The following EPB41L3 variants were observed in gnomAD, a reference collection of about 807,000 sequenced individuals.
The protein encoded by EPB41L3 is band 4.1-like protein 3.
In EPB41L3, 57 loss-of-function variants were observed where a neutral mutation model predicts 127.1. The observed-to-expected ratio is 0.45, with a 90% CI of 0.36 to 0.56. The LOEUF (loss-of-function observed/expected upper bound fraction) is 0.56, where lower values mean the gene tolerates loss of function less well. EPB41L3 is among the 20% of genes least tolerant of loss of function. The pLI is 0.00. For synonymous variants in EPB41L3, 572 were observed against 549.5 expected, an observed-to-expected ratio of 1.04 and a Z score of -0.57; for missense variants, 1,273 against 1,372.2, an observed-to-expected ratio of 0.93 and a Z score of 1.14.
At chr18:5,475,925 T>C (rs1270685080) in intron 3 of EPB41L3, among the ~76,000 whole-genome samples, 1 of 152,118 alleles carries the variant, frequency 6.6e-6, no homozygotes, top group Non-Finnish European at 1.5e-5. Flanking sequence ...GAGCCAACAC[T>C]GAAGCACACC....
At chr18:5,630,309 C>A (rs2094979496), upstream of EPB41L3, 1 of 510,082 alleles carries the variant, frequency 2.0e-6, no homozygotes, top group Admixed American at 2.0e-5. Context: ...CGCACCCGCG[C>A]CCCTGCCCAC....
rs1054285651 is a variant in EPB41L3, at chr18:5,419,726, G to C, written c.1491C>G (p.Ile497Met). The C allele has an allele frequency of 3.1e-6, 5 of 1,614,042 alleles. No individual in the cohort carries two copies. The highest frequency in any genetic ancestry group is 1.3e-5 in the African/African-American group (1 of 74,938). Residue 497 changes from isoleucine to methionine, a missense_variant, in exon 12 of 23, where the codon ATC becomes ATG. Physicochemically the swap from Ile to Met is conservative, Grantham distance 10. Coordinates refer to ENST00000341928, the MANE Select transcript of EPB41L3 (RefSeq NM_012307.5). ...GGAGCTATACCTTTCCCTCGTGCCG[G>C]ATGGCCGAGATGGGCGTGACTTCTT... Reference protein sequence around the residue: ...KGEEVTPISAIRHEGKSPGLG... With the variant: ...KGEEVTPISAMRHEGKSPGLG...
chr18:5,515,807 A>C (rs1010995724), intron 1 of EPB41L3, among the ~76,000 whole-genome samples: 1 of 152,236 alleles, frequency 6.6e-6, no homozygotes, highest in African/African-American at 2.4e-5. Context: ...ACATTTTCAA[A>C]ACACAGAGCA....
rs2093790349 is a variant in EPB41L3, at chr18:5,543,212, C to T, written c.-12+701G>A. 1 of 151,254 alleles carries T rather than the reference C, an allele frequency of 6.6e-6. No individual in the cohort carries two copies. The highest frequency in any genetic ancestry group is 6.6e-5 in the Admixed American group (1 of 15,174). The allele number at this position is 151,254 out of a possible 1,614,324, so 9.4% of individuals were successfully genotyped here. A position where few individuals can be genotyped will look rare whatever the true frequency, so the allele number is the denominator to read the frequency against. On this transcript the variant is annotated intron_variant, in intron 1 of 22. Transcript: ENST00000341928. This position sits in a 1 kb window ranked among gnomAD's most constrained non-coding sequence, Gnocchi z 5.2. ...CCGCTTGGACGCTCCCTCCTCCTCC[C>T]CCACCGGCCGGGGGCCGCTGCCCCA...
chr18:5,568,429 A>AG (rs900818791), intron 3 of EPB41L3, among the ~76,000 whole-genome samples: 1 of 142,580 alleles, frequency 7.0e-6, no homozygotes, highest in African/African-American at 2.7e-5. Flanking sequence ...CTGGATAGTA[A>AG]AAAAAAAAAA....
intron 11 of EPB41L3, among the ~76,000 whole-genome samples, chr18:5,420,476 TA>T: frequency 6.6e-6 from 1 of 152,304 alleles, no homozygotes; most frequent in Middle Eastern, 3.4e-3. Context: ...GTAGAGATTA[TA>T]AAAATCAGAT....
At chr18:5,499,448 CA>C (rs2091520906) in intron 1 of EPB41L3, among the ~76,000 whole-genome samples, 1 of 146,094 alleles carries the variant, frequency 6.8e-6, no homozygotes, top group Non-Finnish European at 1.5e-5. Flanking sequence ...AAATATTAAT[CA>C]ATTCAAATTT....
At chr18:5,597,797 T>G (rs1005493576) in intron 3 of EPB41L3, among the ~76,000 whole-genome samples, 2 of 152,128 alleles carry the variant, frequency 1.3e-5, no homozygotes, top group Non-Finnish European at 2.9e-5. Flanking sequence ...GTCTTACTCC[T>G]AGACACCCCC....
rs763247088 is a variant in EPB41L3 at position 5,416,292 on chromosome 18, C to T, written c.1593G>A (p.Arg531=). 6.2e-6 allele frequency: 10 copies of T among 1,614,108 alleles called. No homozygotes were observed. The highest frequency in any genetic ancestry group is 4.4e-5 in the South Asian group (4 of 91,076). The change falls in exon 13 of 23, where the codon AGG becomes AGA. Residue 531 remains arginine (R), a synonymous_variant. Transcript: ENST00000341928. ...APTSPTELRR[R]CKENDCKLPG... is the part of the protein sequence containing the mutation. ...GCAGTTTGCAGTCATTCTCCTTACA[C>T]CTCCTACGGAGCTCTGTGGGAGATG...
chr18:5,477,534 T>A (rs1481145045), intron 3 of EPB41L3, among the ~76,000 whole-genome samples: 1 of 152,140 alleles, frequency 6.6e-6, no homozygotes, highest in African/African-American at 2.4e-5. Context: ...ACAGACCTGC[T>A]CATAGAGCCT....
At chr18:5,571,172 C>G (rs537952456) in intron 3 of EPB41L3, among the ~76,000 whole-genome samples, 16 of 152,284 alleles carry the variant, frequency 1.1e-4, no homozygotes, top group African/African-American at 3.8e-4. Context: ...TGAAAGCATT[C>G]CAAGAAGTAT....
intron 16 of EPB41L3, among the ~76,000 whole-genome samples, chr18:5,403,804 A>G (rs893397237): frequency 9.9e-5 from 15 of 152,148 alleles, no homozygotes; most frequent in Non-Finnish European, 2.2e-4. Context: ...CTTTATTATA[A>G]AATAGAGTAA....
At chr18:5,422,622 C>A (rs547492598) in intron 11 of EPB41L3, among the ~76,000 whole-genome samples, 2 of 152,300 alleles carry the variant, frequency 1.3e-5, no homozygotes, top group African/African-American at 4.8e-5. Flanking sequence ...GATTCAGTTC[C>A]AGAGTATTGT....
intron 1 of EPB41L3, among the ~76,000 whole-genome samples, chr18:5,625,044 TGCC>T (rs1175992406): frequency 6.6e-6 from 1 of 152,048 alleles, no homozygotes; most frequent in East Asian, 1.9e-4. Context: ...TGGGGAGAGT[TGCC>T]ATGGGTTTCC....
At chr18:5,598,761 A>G (rs1167496377) in intron 3 of EPB41L3, among the ~76,000 whole-genome samples, 2 of 152,242 alleles carry the variant, frequency 1.3e-5, no homozygotes, top group Non-Finnish European at 2.9e-5. Context: ...TGCCTTGTCA[A>G]TTAACACTAT....
intron 21 of EPB41L3, 73 bp downstream of exon 21, chr18:5,394,994 G>A: frequency 1.4e-6 from 2 of 1,418,840 alleles, no homozygotes; most frequent in Non-Finnish European, 1.0e-6. Context: ...TAGAGGAATA[G>A]CATTGAAACT....
At chr18:5,400,778 T>C in intron 16 of EPB41L3, 1 of 580,634 alleles carries the variant, frequency 1.7e-6, no homozygotes, top group Non-Finnish European at 3.1e-6. Context: ...GAAGAAATGA[T>C]GCATAACTGA....
chr18:5,494,469 C>T (rs2090948156), intron 1 of EPB41L3, among the ~76,000 whole-genome samples: 2 of 152,152 alleles, frequency 1.3e-5, no homozygotes, highest in African/African-American at 4.8e-5. Flanking sequence ...ACCAGCCTGG[C>T]CAACATGGCG....
chr18:5,571,949 C>A lies in EPB41L3; in HGVS notation c.-306+40391G>T, dbSNP rs143075048. ...ACTGCCTGTTCCTCACAATTTCCTG[C>A]ATTTCACTCTTGGCTAGACCTGCGT... On this transcript the variant is annotated intron_variant, in intron 3 of 21. Transcript: ENST00000545076. Among the ~76,000 whole-genome samples, 218 of 152,342 alleles carry A rather than the reference C, an allele frequency of 1.4e-3. 1 individual carries two copies. Among genetic ancestry groups the A allele is most frequent in the Middle Eastern group, 6.8e-3 (2 of 294 alleles).
Sources: allele counts gnomAD v4.1 joint callset (sites outside exome capture counted in the v4.1 genomes callset), GRCh38; gene constraint gnomAD v4.1.1; non-coding constraint Gnocchi (gnomAD v3.1); transcripts MANE v1.5; gene names NCBI Gene and HGNC (gene_info 2026-07-23, HGNC 2026-07-21).